IFNAR2: variants seen among roughly 807,000 people sequenced by gnomAD.
The protein encoded by IFNAR2 is interferon alpha and beta receptor subunit 2.
In IFNAR2, 30 loss-of-function variants were observed where a neutral mutation model predicts 49.4. The observed-to-expected ratio is 0.61, with a 90% confidence interval of 0.45 to 0.82. IFNAR2 has a LOEUF of 0.82. Among genes scored for constraint, IFNAR2 ranks in the 40% least tolerant of loss-of-function variants. The pLI is 0.00. For missense variants in IFNAR2, 600 were observed against 622.7 expected, an observed-to-expected ratio of 0.96 and a Z score of 0.39; for synonymous variants, 224 against 234.5, an observed-to-expected ratio of 0.96 and a Z score of 0.41.
chr21:33,231,532 A>G (rs1016075010), intron 1 of IFNAR2, among the ~76,000 whole-genome samples: 7 of 152,218 alleles, frequency 4.6e-5, no homozygotes, highest in African/African-American at 1.7e-4. Context: ...CATTTCAAAA[A>G]GTAGTATGAA....
In IFNAR2 at chr21:33,229,976, C is replaced by T; in HGVS notation, c.-324C>T. On this transcript the variant is annotated 5_prime_UTR_variant, in exon 1 of 9. Coordinates refer to ENST00000342136, the MANE Select transcript of IFNAR2 (RefSeq NM_001289125.3). ...TAGGCCGGGGCTCGGCGCGCGCACCCGCACTAAAGACGCTTCTTCCCGGCG... is the reference window on the plus strand; with the variant it reads ...TAGGCCGGGGCTCGGCGCGCGCACCTGCACTAAAGACGCTTCTTCCCGGCG... The T allele has an allele frequency of 6.1e-6, 6 of 984,424 alleles. No individual in the cohort carries two copies. Among genetic ancestry groups the T allele is most frequent in the African/African-American group, 3.5e-5 (2 of 57,126 alleles). The allele number at this position is 984,424 out of a possible 1,614,324, so 61.0% of individuals were successfully genotyped here.
chr21:33,234,695 A>G, intron 1 of IFNAR2: 1 of 971,014 alleles, frequency 1.0e-6, no homozygotes, highest in Non-Finnish European at 1.2e-6. Context: ...GGTGAATAGC[A>G]GGTAGAGCTC....
In IFNAR2 at chr21:33,230,064, C is replaced by A. The variant is rs1568871039; in HGVS notation, c.-236C>A. 3.0e-6 allele frequency: 3 copies of A among 986,900 alleles called. No individual in the cohort carries two copies. The highest frequency in any genetic ancestry group is 3.6e-6 in the Non-Finnish European group (3 of 830,538). 61.1% of individuals were successfully genotyped at this position (986,900 alleles called of 1,614,324 possible). On this transcript the variant is annotated 5_prime_UTR_variant, in exon 1 of 9. Coordinates refer to ENST00000342136, the MANE Select transcript of IFNAR2 (RefSeq NM_001289125.3). The surrounding 1 kb of genome is among the most constrained non-coding windows in gnomAD (Gnocchi z 5.5). ...GCGCAGCCCGCGGACCACCACCCGG[C>A]CGCACGGGCCGCTTTTGTCCCCCGC...
chr21:33,243,375 G>A (rs1334096464), intron 2 of IFNAR2, among the ~76,000 whole-genome samples: 1 of 152,088 alleles, frequency 6.6e-6, no homozygotes, highest in Non-Finnish European at 1.5e-5. Flanking sequence ...GAGCCACGAC[G>A]CCCGGCCCCA....
At chr21:33,249,504 A>G (rs1334271981) in intron 6 of IFNAR2, among the ~76,000 whole-genome samples, 1 of 152,182 alleles carries the variant, frequency 6.6e-6, no homozygotes, top group Non-Finnish European at 1.5e-5. Flanking sequence ...CGTGAAAAGC[A>G]TCTGTCGCTG....
intron 1 of IFNAR2, among the ~76,000 whole-genome samples, chr21:33,234,182 A>T (rs367657728): frequency 2.9e-5 from 2 of 69,848 alleles, no homozygotes; most frequent in African/African-American, 1.3e-4. Context: ...AAACAGAAAC[A>T]CTGTGTGTGT....
chr21:33,237,532 C>G (rs2123454105), intron 1 of IFNAR2, among the ~76,000 whole-genome samples: 1 of 152,248 alleles, frequency 6.6e-6, no homozygotes, highest in Non-Finnish European at 1.5e-5. Context: ...GAGACCCTGT[C>G]TCAAAAAATA....
chr21:33,248,371 A>G, intron 5 of IFNAR2, among the ~76,000 whole-genome samples: 1 of 121,762 alleles, frequency 8.2e-6, no homozygotes, highest in Non-Finnish European at 1.7e-5. Context: ...GAAAGAAAGA[A>G]AGTTAGGGGG....
At chr21:33,240,230 A>G (rs996704794) in intron 1 of IFNAR2, among the ~76,000 whole-genome samples, 1 of 152,232 alleles carries the variant, frequency 6.6e-6, no homozygotes, top group Non-Finnish European at 1.5e-5. Context: ...ATAAGATTAT[A>G]CCATATTTCT....
intron 4 of IFNAR2, 98 bp from the exon 5 acceptor site, chr21:33,246,620 C>T (rs1987427831): frequency 3.6e-6 from 3 of 824,426 alleles, no homozygotes; most frequent in Non-Finnish European, 5.7e-6. Flanking sequence ...GATATTTGGG[C>T]AGAGCCCTAA....
At chr21:33,242,046 G>C in intron 2 of IFNAR2, 69 bp downstream of exon 2, 1 of 1,450,542 alleles carries the variant, frequency 6.9e-7, no homozygotes, top group African/African-American at 1.4e-5. Flanking sequence ...GAGAGCACTG[G>C]CAGGAAGTCG....
intron 5 of IFNAR2, among the ~76,000 whole-genome samples, chr21:33,247,254 C>CTTTCTTTTT (rs773079900): frequency 1.1e-5 from 1 of 91,574 alleles, no homozygotes; most frequent in African/African-American, 4.2e-5. Flanking sequence ...TTCTTTCTTT[C>CTTTCTTTTT]TTTTTTTTTT....
intron 8 of IFNAR2, 26 bp from the exon 9 acceptor site, chr21:33,262,767 T>C (rs771721706): frequency 9.6e-6 from 15 of 1,564,200 alleles, no homozygotes; most frequent in Middle Eastern, 1.7e-4. Context: ...ATACGGACTC[T>C]CTCTCTCTTT....
rs1381249507 is a variant in IFNAR2, at chr21:33,263,416, C to T, written c.1464C>T (p.Gly488=). The T allele has an allele frequency of 4.1e-5, 66 of 1,613,808 alleles. No homozygotes were observed. Among genetic ancestry groups the T allele is most frequent in the Non-Finnish European group, 5.4e-5 (64 of 1,179,904 alleles). The change falls in exon 9 of 9, where the codon GGC becomes GGT. Residue 488 remains glycine (G), a synonymous_variant. Transcript: ENST00000342136. Reference sequence around the variant, plus strand: ...CCTTTCCCAGCCCCTCTTCAGAGGGCCTGTGGTCCGAAGATGCTCCATCTG... The same window carrying T: ...CCTTTCCCAGCCCCTCTTCAGAGGGTCTGTGGTCCGAAGATGCTCCATCTG... The part of the protein sequence containing the change: ...QPTFPSPSSE[G]LWSEDAPSDQ...
intron 8 of IFNAR2, 104 bp downstream of exon 8, chr21:33,260,831 T>C (rs2123531626): frequency 1.5e-6 from 1 of 687,548 alleles, no homozygotes; most frequent in East Asian, 3.2e-5. Context: ...AAATCTCATT[T>C]TCTATAAACA....
rs184737056 is a variant in IFNAR2 at position 33,251,504 on chromosome 21, G to A, written c.541-1158G>A. On this transcript the variant is annotated intron_variant, in intron 6 of 8. Transcript: ENST00000342136. ...TCTTCCAAGGAATTTTTCCAAACAG[G>A]GAAGGAGATTGTGTGCTGGCCACTG... is the stretch of plus-strand genomic sequence containing the variant. The A allele has an allele frequency of 1.7e-4, 168 of 971,724 alleles. 3 individuals are homozygous for A. In the East Asian group the frequency reaches 0.015, roughly 87 times the overall value. The allele number at this position is 971,724 out of a possible 1,614,324, so 60.2% of individuals were successfully genotyped here. A position where few individuals can be genotyped will look rare whatever the true frequency, so the allele number is the denominator to read the frequency against.
chr21:33,251,513 T>C (rs1987133694), intron 6 of IFNAR2: 4 of 980,570 alleles, frequency 4.1e-6, no homozygotes, highest in Non-Finnish European at 4.8e-6. Flanking sequence ...GGGAAGGAGA[T>C]TGTGTGCTGG....
rs1049402759 is a variant in IFNAR2, at chr21:33,234,821, A to G, written c.-84+4605A>G. ...TCGCACAGGATGGAATTAAAGAGCAAGCTGACAGAATTAAGTGAAAGCAAG... is the reference window on the plus strand; with the variant it reads ...TCGCACAGGATGGAATTAAAGAGCAGGCTGACAGAATTAAGTGAAAGCAAG... On this transcript the variant is annotated intron_variant, in intron 1 of 8. Coordinates refer to ENST00000342136, the MANE Select transcript of IFNAR2 (RefSeq NM_001289125.3). The G allele has an allele frequency of 1.1e-5, 9 of 841,538 alleles. No homozygotes were observed. The African/African-American group carries it at 1.5e-4, about 14-fold the overall frequency. The allele number at this position is 841,538 out of a possible 1,614,324, so 52.1% of individuals were successfully genotyped here.
In IFNAR2 at chr21:33,265,109, C is replaced by T. The variant is rs1041419534; in HGVS notation, c.*1609C>T. The T allele has an allele frequency of 1.3e-5, 2 of 152,164 alleles. No individual in the cohort carries two copies. The highest frequency in any genetic ancestry group is 2.9e-5 in the Non-Finnish European group (2 of 68,034). 9.4% of individuals were successfully genotyped at this position (152,164 alleles called of 1,614,324 possible). A position where few individuals can be genotyped will look rare whatever the true frequency, so the allele number is the denominator to read the frequency against. ...GTGTGACCCTAGGCATTTGACTTAG[C>T]CTTTCTGAGCCTCAGGTTTTTTGTT... On this transcript the variant is annotated 3_prime_UTR_variant, in exon 9 of 9. Transcript: ENST00000342136.
Sources: gnomAD v4.1 joint callset for allele counts (sites outside exome capture counted in the v4.1 genomes callset) on GRCh38, gnomAD v4.1.1 for gene constraint, Gnocchi (gnomAD v3.1) non-coding constraint, MANE v1.5 for transcripts, NCBI Gene and HGNC (gene_info 2026-07-23, HGNC 2026-07-21) for gene names.